Variants in DMXL1 observed in about 807,000 individuals in gnomAD.
DMXL1 encodes Dmx like 1.
In DMXL1, 99 loss-of-function variants were observed where a neutral mutation model predicts 319.2. The ratio of observed to expected loss-of-function variants is 0.31; its 90% confidence interval spans 0.26 to 0.37. DMXL1 has a LOEUF of 0.37. Ranked by LOEUF, DMXL1 falls within the 10% of genes least tolerant of loss-of-function variation. The pLI, the probability that DMXL1 is intolerant of heterozygous loss-of-function variation, is 1.00. For missense variants in DMXL1, 3,745 were observed against 3,595.6 expected, an observed-to-expected ratio of 1.04 and a Z score of -1.06; for synonymous variants, 1,385 against 1,235.2, an observed-to-expected ratio of 1.12 and a Z score of -2.54.
chr5:119,075,967 A>T lies in DMXL1; in HGVS notation c.87+4311A>T, dbSNP rs1467877764. On this transcript the variant is annotated intron_variant, in intron 1 of 43. Transcript: ENST00000539542. ...ATCTACATTTATAGATTCTACTTTT[A>T]TGCATACTATTGATATGATACTTTT... is the stretch of plus-strand genomic sequence containing the variant. Among the ~76,000 whole-genome samples, 17 of 152,186 alleles carry T rather than the reference A, an allele frequency of 1.1e-4. 1 individual carries two copies. Among genetic ancestry groups the T allele is most frequent in the Non-Finnish European group, 2.5e-4 (17 of 68,034 alleles).
intron 4 of DMXL1, among the ~76,000 whole-genome samples, chr5:119,106,962 A>AG (rs1758486753): frequency 6.6e-6 from 1 of 152,204 alleles, no homozygotes; most frequent in Non-Finnish European, 1.5e-5. Context: ...GTGGAACATA[A>AG]GGTATTAATT....
At chr5:119,114,789 C>G (rs1006337095) in intron 6 of DMXL1, among the ~76,000 whole-genome samples, 3 of 152,124 alleles carry the variant, frequency 2.0e-5, no homozygotes, top group Non-Finnish European at 4.4e-5. Context: ...CTGCCTCAGC[C>G]TCTCAAGTAG....
At chr5:119,085,825 A>G (rs1249082986) in intron 1 of DMXL1, among the ~76,000 whole-genome samples, 1 of 152,142 alleles carries the variant, frequency 6.6e-6, no homozygotes, top group Non-Finnish European at 1.5e-5. Context: ...TGGGTTTTTC[A>G]TAAATAATCT....
At chr5:119,135,826 A>G (rs765947622) in intron 13 of DMXL1, among the ~76,000 whole-genome samples, 5 of 152,226 alleles carry the variant, frequency 3.3e-5, no homozygotes, top group South Asian at 2.1e-4. Context: ...AAACTTATTT[A>G]TAAATTACCC....
intron 34 of DMXL1, among the ~76,000 whole-genome samples, chr5:119,208,598 C>T (rs970199216): frequency 1.3e-5 from 2 of 152,056 alleles, no homozygotes; most frequent in African/African-American, 4.8e-5. Flanking sequence ...TTTCTATAGT[C>T]AGCTTCATGC....
At chr5:119,115,996 T>C (rs906123081) in intron 6 of DMXL1, among the ~76,000 whole-genome samples, 162 bp from the exon 7 acceptor site, 10 of 152,216 alleles carry the variant, frequency 6.6e-5, no homozygotes, top group African/African-American at 2.4e-4. Context: ...GCAATGCTAA[T>C]AGAAAAGTGC....
chr5:119,214,258 T>C (rs1443416616), intron 34 of DMXL1, among the ~76,000 whole-genome samples: 1 of 152,170 alleles, frequency 6.6e-6, no homozygotes, highest in Non-Finnish European at 1.5e-5. Context: ...TTCCTTCTTT[T>C]ATTCACACTA....
chr5:119,145,944 C>G (rs1768422761), intron 15 of DMXL1, among the ~76,000 whole-genome samples: 1 of 151,608 alleles, frequency 6.6e-6, no homozygotes, highest in African/African-American at 2.4e-5. Flanking sequence ...GATTTCTATT[C>G]TGTTTACTTT....
chr5:119,089,686 C>T lies in DMXL1; in HGVS notation c.88-8293C>T, dbSNP rs545941792. ...TGTTGCCCAGGCTGGTGTGCAATGG[C>T]GCAATCTTGTCTCACCGCAACCTCC... On this transcript the variant is annotated intron_variant, in intron 1 of 43. Transcript: ENST00000539542. Among the ~76,000 whole-genome samples, 425 of 146,538 alleles carry T rather than the reference C, an allele frequency of 2.9e-3. 4 individuals are homozygous for T. The highest frequency in any genetic ancestry group is 9.4e-3 in the African/African-American group (371 of 39,498).
At position 119,120,745 on chromosome 5, in the gene DMXL1, A is replaced by T. The variant is rs185316312; in HGVS notation, c.934-226A>T. Among the ~76,000 whole-genome samples, 833 of 152,366 alleles carry T rather than the reference A, an allele frequency of 5.5e-3. 1 individual carries two copies. The highest frequency in any genetic ancestry group is 0.027 in the Middle Eastern group (8 of 294). ...CAAAACACTGTGTGAGGATTAAGAG[A>T]ACAGCCAGGTACTTTAAGTCATAAC... On this transcript the variant is annotated intron_variant, in intron 8 of 43. Coordinates refer to ENST00000539542, the MANE Select transcript of DMXL1 (RefSeq NM_001290321.3).
intron 29 of DMXL1, among the ~76,000 whole-genome samples, chr5:119,190,459 GTGAT>G (rs1778512223): frequency 6.6e-6 from 1 of 152,164 alleles, no homozygotes; most frequent in Non-Finnish European, 1.5e-5. Context: ...AAGTCTTTCA[GTGAT>G]TGATTATGTA....
In DMXL1 at chr5:119,170,535, G is replaced by A. The variant is rs1456097076; in HGVS notation, c.5744G>A (p.Arg1915Lys). The A allele has an allele frequency of 6.2e-6, 10 of 1,613,602 alleles. No individual in the cohort carries two copies. The highest frequency in any genetic ancestry group is 6.8e-6 in the Non-Finnish European group (8 of 1,179,810). ...TCTTCTCCATTAAAGTTGGATGCAA[G>A]GGAAGATAAGTCTTCTGCTGTTGAT... ...SPSSPLKLDA[R>K]EDKSSAVDWS... The change falls in exon 24 of 44, where the codon AGG becomes AAG. Residue 1915 changes from arginine (R) to lysine (K), a missense_variant. Physicochemically the swap from Arg to Lys is conservative, Grantham distance 26. This residue lies in a region of DMXL1 where 1,382 missense variants were observed against 1,269.5 expected (regional missense o/e 1.09). Coordinates refer to ENST00000539542, the MANE Select transcript of DMXL1 (RefSeq NM_001290321.3).
intron 19 of DMXL1, among the ~76,000 whole-genome samples, chr5:119,157,613 C>CA (rs1771392042): frequency 6.6e-6 from 1 of 152,126 alleles, no homozygotes; most frequent in African/African-American, 2.4e-5. Context: ...GCACGTTTGA[C>CA]AAAAATCAAT....
At chr5:119,221,875 T>C (rs886941768) in intron 37 of DMXL1, among the ~76,000 whole-genome samples, 6 of 151,952 alleles carry the variant, frequency 3.9e-5, no homozygotes, top group African/African-American at 1.4e-4. Context: ...TTCTGTAGTG[T>C]TGGAGGATCT....
intron 18 of DMXL1, among the ~76,000 whole-genome samples, chr5:119,150,677 A>G (rs1192835589): frequency 6.6e-6 from 1 of 151,984 alleles, no homozygotes; most frequent in Non-Finnish European, 1.5e-5. Context: ...CTATAGTCCT[A>G]GCTACTCAGG....
chr5:119,101,034 G>A (rs569007191), intron 2 of DMXL1, among the ~76,000 whole-genome samples: 1 of 152,072 alleles, frequency 6.6e-6, no homozygotes, highest in East Asian at 1.9e-4. Context: ...TCCCGCCTCG[G>A]CCTCCCAAAG....
rs1449645095 is a variant in DMXL1 at position 119,074,217 on chromosome 5, C to T, written c.87+2561C>T. On this transcript the variant is annotated intron_variant, in intron 1 of 43. Coordinates refer to ENST00000539542, the MANE Select transcript of DMXL1 (RefSeq NM_001290321.3). ...TACAGGCGGGAGCCACTGCACCCAG[C>T]CTTGAGTGTTGTTTTTAACCTTTTT... Among the ~76,000 whole-genome samples, 5 of 152,186 alleles carry T rather than the reference C, an allele frequency of 3.3e-5. No homozygotes were observed. The East Asian group carries it at 5.8e-4, about 18-fold the overall frequency.
rs565699405 is a variant in DMXL1, at chr5:119,105,235, A to G, written c.341A>G (p.His114Arg). 2.5e-6 allele frequency: 4 copies of G among 1,613,148 alleles called. No individual in the cohort carries two copies. The East Asian group carries it at 6.7e-5, about 27-fold the overall frequency. The change falls in exon 4 of 44, where the codon CAC (histidine) becomes CGC (arginine). Residue 114 changes from histidine to arginine, a missense_variant. Physicochemically the swap from His to Arg is conservative, Grantham distance 29. Coordinates refer to ENST00000539542, the MANE Select transcript of DMXL1 (RefSeq NM_001290321.3). ...SGQFFLESIA[H>R]NITWDPTGSR... is the part of the protein sequence containing the mutation. ...CAATTTTTTCTGGAATCAATAGCAC[A>G]CAATATAACCTGGGATCCCACAGGT...
chr5:119,133,705 C>T lies in DMXL1; in HGVS notation c.1781C>T (p.Thr594Met), dbSNP rs201588645. Reference protein sequence around the residue: ...SSNSLKLSIFTPNVMMISKHA... With the variant: ...SSNSLKLSIFMPNVMMISKHA... ...AATAGTTTAAAATTAAGTATTTTTA[C>T]GCCTAATGTTATGATGATATCAAAA... The change falls in exon 12 of 44, where the codon ACG becomes ATG. Residue 594 changes from threonine to methionine, a missense_variant. Around this residue, in one of 4 missense-constraint regions of DMXL1, gnomAD observed 2,096 missense variants for 1,985.4 expected, o/e 1.06. Coordinates refer to ENST00000539542, the MANE Select transcript of DMXL1 (RefSeq NM_001290321.3). 6.2e-6 allele frequency: 10 copies of T among 1,614,148 alleles called. No homozygotes were observed. The highest frequency in any genetic ancestry group is 2.7e-5 in the African/African-American group (2 of 75,042).
Sources: gnomAD v4.1 joint callset for allele counts (sites outside exome capture counted in the v4.1 genomes callset) on GRCh38, gnomAD v4.1.1 for gene constraint, gnomAD v4.1.1 regional missense constraint, MANE v1.5 for transcripts, NCBI Gene and HGNC (gene_info 2026-07-23, HGNC 2026-07-21) for gene names.